The following PTPN4 variants were observed in gnomAD, a reference collection of about 807,000 sequenced individuals.
PTPN4 encodes the protein tyrosine-protein phosphatase non-receptor type 4.
Under a neutral mutation model 135.5 loss-of-function variants are expected in PTPN4, and 49 were observed. The ratio of observed to expected loss-of-function variants is 0.36; its 90% CI spans 0.29 to 0.46. PTPN4 has a LOEUF of 0.46. Ranked by LOEUF, PTPN4 falls within the 20% of genes least tolerant of loss-of-function variation. PTPN4 has a pLI of 1.00. For missense variants in PTPN4, 860 were observed against 1,101.0 expected (o/e 0.78, Z 3.10); for synonymous variants, 333 against 369.9 (o/e 0.90, Z 1.14).
Position 119,909,575 on chromosome 2 carries a change from T to G in PTPN4, c.765-5604T>G, listed in dbSNP as rs78687176. ...CAATATGAATTCTGTAGCTGATAGA[T>G]CAAGGAGTAATTTTGACTTTCAAAT... On this transcript the variant is annotated intron_variant, in intron 10 of 26. Coordinates refer to ENST00000263708, the MANE Select transcript of PTPN4 (RefSeq NM_002830.4). 5.8e-4 allele frequency among the ~76,000 whole-genome samples: 88 copies of G among 152,302 alleles called. No individual in the cohort carries two copies. The East Asian group carries it at 0.014, about 25-fold the overall frequency.
At chr2:119,839,129 A>G (rs773689543) in intron 2 of PTPN4, among the ~76,000 whole-genome samples, 4 of 152,100 alleles carry the variant, frequency 2.6e-5, no homozygotes, top group East Asian at 1.9e-4. Context: ...TTTTTCCCCT[A>G]TGGCTTTCTT....
intron 2 of PTPN4, among the ~76,000 whole-genome samples, chr2:119,835,748 CCATCTTCAGGAGAG>C (rs1677280982): frequency 1.3e-5 from 2 of 152,058 alleles, no homozygotes; most frequent in South Asian, 4.2e-4. Flanking sequence ...GTCCCTCTGT[CCATCTTCAGGAGAG>C]CATCTTTAGA....
chr2:119,886,725 G>A (rs1381870388), intron 9 of PTPN4, among the ~76,000 whole-genome samples: 3 of 152,166 alleles, frequency 2.0e-5, no homozygotes. Flanking sequence ...GACACTCACA[G>A]GTACACAGAT....
At chr2:119,850,465 C>T (rs181535350) in intron 2 of PTPN4, among the ~76,000 whole-genome samples, 2 of 152,306 alleles carry the variant, frequency 1.3e-5, no homozygotes, top group East Asian at 3.9e-4. Context: ...ACATACCATT[C>T]TGGAATTTAA....
In PTPN4 at chr2:119,962,752, G is replaced by T; in HGVS notation, c.2409+8G>T. The T allele has an allele frequency of 6.4e-7, 1 of 1,564,656 alleles. No individual in the cohort carries two copies. Among genetic ancestry groups the T allele is most frequent in the South Asian group, 1.2e-5 (1 of 84,232 alleles). On this transcript the variant is annotated splice_region_variant and intron_variant, in intron 24 of 26. Coordinates refer to ENST00000263708, the MANE Select transcript of PTPN4 (RefSeq NM_002830.4). ...ACCCTATTTAACCAAGAGGTAAGAA[G>T]GCAGGATATCTGTTCATTAGAACTG...
intron 10 of PTPN4, among the ~76,000 whole-genome samples, chr2:119,913,382 T>C (rs1184763292): frequency 3.9e-5 from 6 of 152,212 alleles, no homozygotes; most frequent in Non-Finnish European, 8.8e-5. Flanking sequence ...GAGTATAAAG[T>C]AGTATCTCAT....
At chr2:119,957,352 C>T (rs2105056259) in intron 22 of PTPN4, among the ~76,000 whole-genome samples, 1 of 152,228 alleles carries the variant, frequency 6.6e-6, no homozygotes, top group South Asian at 2.1e-4. Context: ...GATAGACTAT[C>T]CAGTGAATGG....
At position 119,877,338 on chromosome 2, in the gene PTPN4, A is replaced by T; in HGVS notation, c.262A>T (p.Asn88Tyr). Residue 88 changes from asparagine to tyrosine, a missense_variant, in exon 4 of 27, where the codon AAC (asparagine) becomes TAC (tyrosine). By Grantham distance (143) the Asn-to-Tyr change is moderately radical (BLOSUM62 -2). This residue lies in a region of PTPN4 where 684 missense variants were observed against 807.0 expected (regional missense o/e 0.85). Transcript: ENST00000263708. ...TATTTTTCAGAGGTGGCTGGATCCA[A>T]ACAAACCAATAAGGAAGCAGCTAAA... Reference protein sequence around the residue: ...STDNPRWLDPNKPIRKQLKRG... With the variant: ...STDNPRWLDPYKPIRKQLKRG... 1 of 1,611,702 alleles carries T rather than the reference A, an allele frequency of 6.2e-7. No individual in the cohort carries two copies. The highest frequency in any genetic ancestry group is 1.7e-5 in the Admixed American group (1 of 59,656).
intron 5 of PTPN4, among the ~76,000 whole-genome samples, chr2:119,880,502 T>C (rs1678055103): frequency 6.6e-6 from 1 of 151,934 alleles, no homozygotes; most frequent in East Asian, 1.9e-4. Context: ...CGATCTCGGC[T>C]CATTGCAAGC....
chr2:119,901,734 G>A (rs2105015444), intron 10 of PTPN4, among the ~76,000 whole-genome samples: 1 of 152,276 alleles, frequency 6.6e-6, no homozygotes, highest in East Asian at 1.9e-4. Flanking sequence ...TATGGAAAAA[G>A]TGTGTAACGT....
At position 119,956,923 on chromosome 2, in the gene PTPN4, A is replaced by G. The variant is rs769500146; in HGVS notation, c.2060A>G (p.Asp687Gly). The change falls in exon 21 of 27, where the codon GAT becomes GGT. Residue 687 changes from aspartate to glycine, a missense_variant. Physicochemically the swap from Asp to Gly is moderately conservative, Grantham distance 94 (BLOSUM62 -1). Transcript: ENST00000263708. ...AATATTTCCAAAAATAGATACAGAG[A>G]TATTTCGCCTTGTAAGTATCTTATT... is the stretch of plus-strand genomic sequence containing the variant. The part of the protein sequence containing the change: ...PQNISKNRYR[D>G]ISPYDATRVI... 1 of 1,610,152 alleles carries G rather than the reference A, an allele frequency of 6.2e-7. No individual in the cohort carries two copies.
At chr2:119,846,639 A>G (rs1677503016) in intron 2 of PTPN4, among the ~76,000 whole-genome samples, 1 of 151,130 alleles carries the variant, frequency 6.6e-6, no homozygotes, top group African/African-American at 2.4e-5. Flanking sequence ...GGTTGGATTT[A>G]TATTTGTACT....
At chr2:119,877,224 A>G in intron 3 of PTPN4, 99 bp from the exon 4 acceptor site, 3 of 1,331,514 alleles carry the variant, frequency 2.3e-6, no homozygotes, top group Non-Finnish European at 3.1e-6. Flanking sequence ...TCTGAAATGC[A>G]GCTTTTAGCA....
intron 2 of PTPN4, among the ~76,000 whole-genome samples, chr2:119,859,715 C>T (rs1363381043): frequency 6.6e-6 from 1 of 152,180 alleles, no homozygotes; most frequent in African/African-American, 2.4e-5. Flanking sequence ...TGCTTAACAC[C>T]ACCCTAGAGG....
chr2:119,773,431 CTT>C (rs1157232813), intron 1 of PTPN4, among the ~76,000 whole-genome samples: 1 of 151,886 alleles, frequency 6.6e-6, no homozygotes, highest in South Asian at 2.1e-4. Context: ...AATATCAAGA[CTT>C]TTTTTCAATT....
intron 1 of PTPN4, among the ~76,000 whole-genome samples, chr2:119,780,212 T>C (rs904677854): frequency 3.3e-5 from 5 of 152,226 alleles, no homozygotes; most frequent in African/African-American, 1.2e-4. Flanking sequence ...CTTTGAAAAT[T>C]TCTGAACTAT....
intron 3 of PTPN4, among the ~76,000 whole-genome samples, chr2:119,869,342 A>G (rs1677876854): frequency 6.6e-6 from 1 of 152,170 alleles, no homozygotes; most frequent in Admixed American, 6.5e-5. Flanking sequence ...CACAATTTAA[A>G]CTGCATATTG....
rs970890092 is a variant in PTPN4, at chr2:119,984,466, CT to C, written c.*7397del. On this transcript the variant is annotated 3_prime_UTR_variant, in exon 27 of 27. Coordinates refer to ENST00000263708, the MANE Select transcript of PTPN4 (RefSeq NM_002830.4). Reference sequence around the variant, plus strand: ...TTAGTTTTTTAGATTACCTTTCCCCCTATATCACAAAAATATCTCTTTCCAT... The same window carrying C: ...TTAGTTTTTTAGATTACCTTTCCCCCATATCACAAAAATATCTCTTTCCAT... Among the ~76,000 whole-genome samples the C allele has an allele frequency of 1.3e-4, 20 of 152,216 alleles. No individual in the cohort carries two copies. Among genetic ancestry groups the C allele is most frequent in the Non-Finnish European group, 2.5e-4 (17 of 68,012 alleles).
chr2:119,889,121 C>T lies in PTPN4; in HGVS notation c.675+3239C>T, dbSNP rs552914373. Among the ~76,000 whole-genome samples the T allele has an allele frequency of 2.6e-4, 40 of 152,100 alleles. No homozygotes were observed. The South Asian group carries it at 8.1e-3, about 31-fold the overall frequency. Reference sequence around the variant, plus strand: ...CCCAGTTTGTCAGCTTGTAGTTGTTCGTAATAGTCTCTGATGGGCTGGGCA... The same window carrying T: ...CCCAGTTTGTCAGCTTGTAGTTGTTTGTAATAGTCTCTGATGGGCTGGGCA... On this transcript the variant is annotated intron_variant, in intron 9 of 26. Coordinates refer to ENST00000263708, the MANE Select transcript of PTPN4 (RefSeq NM_002830.4).
Sources: allele counts gnomAD v4.1 joint callset (sites outside exome capture counted in the v4.1 genomes callset), GRCh38; gene constraint gnomAD v4.1.1; regional missense constraint gnomAD v4.1.1; transcripts MANE v1.5; gene names NCBI Gene and HGNC (gene_info 2026-07-23, HGNC 2026-07-21).